Variants in DCLK1 observed in about 807,000 individuals in gnomAD.
DCLK1 encodes serine/threonine-protein kinase DCLK1.
Under a neutral mutation model 86.2 loss-of-function variants are expected in DCLK1, and 16 were observed. The ratio of observed to expected loss-of-function variants is 0.19; its 90% CI spans 0.13 to 0.28. The LOEUF (loss-of-function observed/expected upper bound fraction) is 0.28. Ranked by LOEUF, DCLK1 falls within the 10% of genes least tolerant of loss-of-function variation. The pLI is 1.00. For synonymous variants in DCLK1, 369 were observed against 370.5 expected, an observed-to-expected ratio of 1.00 and a Z score of 0.05; for missense variants, 590 against 940.2, an observed-to-expected ratio of 0.63 and a Z score of 4.87.
At chr13:35,830,927 G>T (rs1868910668) in intron 8 of DCLK1, among the ~76,000 whole-genome samples, 2 of 152,156 alleles carry the variant, frequency 1.3e-5, no homozygotes, top group African/African-American at 4.8e-5. Context: ...TAATTTTAAA[G>T]CACTCAATCC....
intron 6 of DCLK1, chr13:35,850,621 A>T: frequency 1.5e-6 from 2 of 1,349,252 alleles, no homozygotes; most frequent in Non-Finnish European, 1.9e-6. Flanking sequence ...ATTTCAAGGT[A>T]TGCAAAACTC....
intron 3 of DCLK1, among the ~76,000 whole-genome samples, chr13:36,079,412 C>T (rs1566672658): frequency 6.6e-6 from 1 of 151,916 alleles, no homozygotes; most frequent in Admixed American, 6.6e-5. Flanking sequence ...GGAGGATCGC[C>T]TCAGGTCAGG....
intron 3 of DCLK1, among the ~76,000 whole-genome samples, chr13:36,060,311 T>C (rs1273750357): frequency 6.6e-6 from 1 of 152,218 alleles, no homozygotes; most frequent in Non-Finnish European, 1.5e-5. Context: ...TCATGTATTA[T>C]CTACTCAGTA....
chr13:36,059,220 A>G (rs1883448611), intron 3 of DCLK1, among the ~76,000 whole-genome samples: 1 of 152,150 alleles, frequency 6.6e-6, no homozygotes, highest in Non-Finnish European at 1.5e-5. Flanking sequence ...GGAAAGTGCC[A>G]TTGTGTATAA....
intron 3 of DCLK1, among the ~76,000 whole-genome samples, chr13:35,956,527 T>C (rs1321452424): frequency 6.9e-6 from 1 of 144,604 alleles, no homozygotes; most frequent in African/African-American, 2.6e-5. Context: ...AATGTGGCAC[T>C]GAACATATGG....
At chr13:35,934,869 C>T (rs1209115762) in intron 4 of DCLK1, among the ~76,000 whole-genome samples, 3 of 151,984 alleles carry the variant, frequency 2.0e-5, no homozygotes, top group Non-Finnish European at 4.4e-5. Flanking sequence ...GATAATTAAA[C>T]GTGATTATTA....
intron 3 of DCLK1, among the ~76,000 whole-genome samples, chr13:36,023,536 G>T (rs959101397): frequency 6.6e-6 from 1 of 152,128 alleles, no homozygotes; most frequent in African/African-American, 2.4e-5. Context: ...AGGGCAGTCT[G>T]CTTATTCAAA....
chr13:36,045,374 A>ATC lies in DCLK1; in HGVS notation c.723+66494_723+66495insGA, dbSNP rs1302317939. On this transcript the variant is annotated intron_variant, in intron 3 of 16. Coordinates refer to ENST00000360631, the MANE Select transcript of DCLK1 (RefSeq NM_001330071.2). ...TATATATATATATATATATATATAT[A>ATC]TATTTCAAGGTAAATTGCTAACATC... Among the ~76,000 whole-genome samples the ATC allele has an allele frequency of 2.2e-4, 28 of 124,764 alleles. 1 individual carries two copies. Among genetic ancestry groups the ATC allele is most frequent in the Non-Finnish European group, 3.0e-4 (17 of 57,576 alleles). The allele number at this position is 124,764 out of a possible 152,430, so 81.9% of individuals were successfully genotyped here.
In DCLK1 at chr13:35,769,127, CTGAAGGATTA is replaced by C. The variant is rs2086283193; in HGVS notation, c.*5398_*5407del. 6.6e-6 allele frequency: 1 copy of C among 152,104 alleles called. No individual in the cohort carries two copies. Among genetic ancestry groups the C allele is most frequent in the African/African-American group, 2.4e-5 (1 of 41,392 alleles). 9.4% of individuals were successfully genotyped at this position (152,104 alleles called of 1,614,324 possible). A position where few individuals can be genotyped will look rare whatever the true frequency, so the allele number is the denominator to read the frequency against. ...ATTAACCTACATGTATCAGCTTAAACTGAAGGATTAGGGGGAAAAATTGGATCTCATTCCA... is the reference window on the plus strand; with the variant it reads ...ATTAACCTACATGTATCAGCTTAAACGGGGGAAAAATTGGATCTCATTCCA... On this transcript the variant is annotated 3_prime_UTR_variant, in exon 17 of 17. Coordinates refer to ENST00000360631, the MANE Select transcript of DCLK1 (RefSeq NM_001330071.2).
intron 3 of DCLK1, among the ~76,000 whole-genome samples, chr13:36,030,211 A>C (rs1882213042): frequency 6.6e-6 from 1 of 152,216 alleles, no homozygotes; most frequent in Non-Finnish European, 1.5e-5. Flanking sequence ...CACCTGTCTG[A>C]ACCCCACTGT....
chr13:35,868,951 T>C (rs12428685), intron 5 of DCLK1: 90,792 of 357,436 alleles, frequency 0.25, 11,955 homozygotes, highest in Admixed American at 0.36. Flanking sequence ...CCACCATGCC[T>C]GGCTAATTTT....
At chr13:36,100,807 T>C (rs780652680) in intron 3 of DCLK1, among the ~76,000 whole-genome samples, 1 of 152,158 alleles carries the variant, frequency 6.6e-6, no homozygotes, top group Non-Finnish European at 1.5e-5. Flanking sequence ...TCACTCTAAT[T>C]CTGATCACTA....
chr13:36,008,469 C>T (rs1456570488), intron 3 of DCLK1, among the ~76,000 whole-genome samples: 7 of 115,358 alleles, frequency 6.1e-5, no homozygotes, highest in African/African-American at 1.7e-4. Context: ...TGAGAATATG[C>T]GGTGTTTGGT....
At chr13:36,083,219 G>A (rs567720481) in intron 3 of DCLK1, among the ~76,000 whole-genome samples, 1 of 152,178 alleles carries the variant, frequency 6.6e-6, no homozygotes, top group Non-Finnish European at 1.5e-5. Flanking sequence ...CAAGATGGTG[G>A]CCTGTAGCAA....
At position 35,967,115 on chromosome 13, in the gene DCLK1, C is replaced by T. The variant is rs534013774; in HGVS notation, c.724-19658G>A. ...GATGTGGGGAGCACCTCTGCCTCGC[C>T]GCCCCATCTGAGATGTGAAGAGCGC... On this transcript the variant is annotated intron_variant, in intron 3 of 16. Transcript: ENST00000360631. Among the ~76,000 whole-genome samples, 10 of 151,278 alleles carry T rather than the reference C, an allele frequency of 6.6e-5. No individual in the cohort carries two copies. The East Asian group carries it at 1.2e-3, about 18-fold the overall frequency.
At chr13:35,963,348 A>G (rs1878559006) in intron 3 of DCLK1, among the ~76,000 whole-genome samples, 1 of 152,174 alleles carries the variant, frequency 6.6e-6, no homozygotes, top group Admixed American at 6.5e-5. Context: ...AGTGGGGAAC[A>G]ATGGAAATAT....
At chr13:35,927,569 A>C (rs940683423) in intron 4 of DCLK1, among the ~76,000 whole-genome samples, 2 of 152,166 alleles carry the variant, frequency 1.3e-5, no homozygotes, top group Non-Finnish European at 1.5e-5. Context: ...CCTCCCCCAG[A>C]TCTTGACAGC....
intron 4 of DCLK1, among the ~76,000 whole-genome samples, chr13:35,889,492 C>T (rs758451973): frequency 6.6e-6 from 1 of 152,104 alleles, no homozygotes; most frequent in Non-Finnish European, 1.5e-5. Context: ...AGGACCCAGA[C>T]TTGTTTCTCT....
rs142526975 is a variant in DCLK1 at position 36,002,181 on chromosome 13, T to C, written c.724-54724A>G. ...ATATAAGCACAGGCTTTTTGGTCTT[T>C]TCAACATTTTTCTTTACTTTAAGCC... On this transcript the variant is annotated intron_variant, in intron 3 of 16. Transcript: ENST00000360631. Among the ~76,000 whole-genome samples the C allele has an allele frequency of 2.0e-5, 3 of 152,312 alleles. No individual in the cohort carries two copies. The East Asian group carries it at 5.8e-4, about 29-fold the overall frequency.
Sources: allele counts gnomAD v4.1 joint callset (sites outside exome capture counted in the v4.1 genomes callset), GRCh38; gene constraint gnomAD v4.1.1; transcripts MANE v1.5; gene names NCBI Gene and HGNC (gene_info 2026-07-23, HGNC 2026-07-21).